TNN: variants seen among roughly 807,000 people sequenced by gnomAD.
TNN encodes tenascin N.
Under a neutral mutation model 134.4 loss-of-function variants are expected in TNN, and 122 were observed. The ratio of observed to expected loss-of-function variants is 0.91; its 90% CI spans 0.78 to 1.06. The LOEUF (loss-of-function observed/expected upper bound fraction) is 1.06. Ranked by LOEUF, TNN falls within the 50% of genes least tolerant of loss-of-function variation. TNN has a pLI of 0.00. For synonymous variants in TNN, 710 were observed against 670.3 expected (o/e 1.06, Z -0.91); for missense variants, 1,739 against 1,699.4 (o/e 1.02, Z -0.41).
chr1:175,123,606 G>C lies in TNN; in HGVS notation c.2857G>C (p.Val953Leu). Residue 953 changes from valine (V) to leucine (L), a missense_variant, in exon 12 of 19, where the codon GTG becomes CTG. Val to Leu is a conservative substitution (Grantham distance 32). Coordinates refer to ENST00000239462, the MANE Select transcript of TNN (RefSeq NM_022093.2). ...ACCAGGCATGGAGTACATGGTGCAC[G>C]TGTGGGCCCAGAAGGGGGCCCAGGA... is the stretch of plus-strand genomic sequence containing the variant. ...LRPGMEYMVH[V>L]WAQKGAQESK... The C allele has an allele frequency of 6.2e-7, 1 of 1,614,200 alleles. No individual in the cohort carries two copies. The highest frequency in any genetic ancestry group is 8.5e-7 in the Non-Finnish European group (1 of 1,180,044).
rs910151666 is a variant in TNN at position 175,127,934 on chromosome 1, G to C, written c.3046-98G>C. ...AGACAAAACACTGTGCTCTCAGAGAGCTTCTGTCATTAGCACCAGGGAACG... is the reference window on the plus strand; with the variant it reads ...AGACAAAACACTGTGCTCTCAGAGACCTTCTGTCATTAGCACCAGGGAACG... On this transcript the variant is annotated intron_variant, in intron 13 of 18. Coordinates refer to ENST00000239462, the MANE Select transcript of TNN (RefSeq NM_022093.2). 18 of 1,439,708 alleles carry C rather than the reference G, an allele frequency of 1.3e-5. No homozygotes were observed. The African/African-American group carries it at 2.4e-4, about 19-fold the overall frequency. The allele number at this position is 1,439,708 out of a possible 1,614,324, so 89.2% of individuals were successfully genotyped here.
intron 11 of TNN, 142 bp downstream of exon 11, chr1:175,118,966 C>A: frequency 8.3e-7 from 1 of 1,201,510 alleles, no homozygotes; most frequent in Non-Finnish European, 1.1e-6. Flanking sequence ...AAAAACAAAA[C>A]AAAACAAAAA....
At chr1:175,120,211 G>C (rs534022914) in intron 11 of TNN, among the ~76,000 whole-genome samples, 112 of 152,294 alleles carry the variant, frequency 7.4e-4, no homozygotes, top group African/African-American at 2.5e-3. Context: ...GAACACAGTG[G>C]TGAACAAAAC....
chr1:175,136,237 T>C (rs1484812297), intron 16 of TNN, among the ~76,000 whole-genome samples: 1 of 152,144 alleles, frequency 6.6e-6, no homozygotes, highest in Non-Finnish European at 1.5e-5. Context: ...AGTTCAGTGA[T>C]TGGGATGCTG....
intron 9 of TNN, among the ~76,000 whole-genome samples, chr1:175,115,106 G>A (rs1385970201): frequency 6.6e-6 from 1 of 152,008 alleles, no homozygotes; most frequent in African/African-American, 2.4e-5. Context: ...AGTAGGGTGG[G>A]GTGTCTTAGC....
chr1:175,076,907 C>T (rs1017692730), intron 1 of TNN, among the ~76,000 whole-genome samples: 2 of 152,144 alleles, frequency 1.3e-5, no homozygotes, highest in African/African-American at 4.8e-5. Context: ...TTCCAACAAA[C>T]AATTGTGAGA....
At chr1:175,068,558 C>T (rs1235439081) in intron 1 of TNN, among the ~76,000 whole-genome samples, 3 of 152,066 alleles carry the variant, frequency 2.0e-5, no homozygotes, top group African/African-American at 7.2e-5. Context: ...TCTCGAAATC[C>T]CCATACTATT....
rs116819609 is a variant in TNN, at chr1:175,100,849, T to C, written c.2119+2254T>C. On this transcript the variant is annotated intron_variant, in intron 9 of 18. Transcript: ENST00000239462. ...GCATCTACTCAGTGCTAAGAACTCA[T>C]AATAGACATTTGTTTCTTTTTTAAA... Among the ~76,000 whole-genome samples the C allele has an allele frequency of 6.1e-3, 923 of 152,318 alleles. 16 individuals are homozygous for C. The highest frequency in any genetic ancestry group is 0.021 in the African/African-American group (881 of 41,578).
At chr1:175,093,005 C>T (rs1434447922) in intron 6 of TNN, among the ~76,000 whole-genome samples, 1 of 152,224 alleles carries the variant, frequency 6.6e-6, no homozygotes, top group Non-Finnish European at 1.5e-5. Context: ...TGAGTATTCT[C>T]CTCAGAAGCC....
At chr1:175,119,566 C>G (rs1675289165) in intron 11 of TNN, among the ~76,000 whole-genome samples, 1 of 151,412 alleles carries the variant, frequency 6.6e-6, no homozygotes, top group Non-Finnish European at 1.5e-5. Flanking sequence ...TGGAGTTTCT[C>G]TGGTTCAAGC....
intron 7 of TNN, among the ~76,000 whole-genome samples, chr1:175,095,417 C>T (rs149026842): frequency 5.8e-4 from 88 of 152,210 alleles, no homozygotes; most frequent in African/African-American, 1.9e-3. Flanking sequence ...GACTGTGTTC[C>T]GATAAGACTT....
chr1:175,082,926 C>A (rs1427226066), intron 4 of TNN, among the ~76,000 whole-genome samples: 1 of 151,944 alleles, frequency 6.6e-6, no homozygotes, highest in Non-Finnish European at 1.5e-5. Context: ...TAGAAAAGTT[C>A]TCCCCTTAGA....
intron 2 of TNN, among the ~76,000 whole-genome samples, chr1:175,078,831 G>GT (rs1674116980): frequency 6.6e-6 from 1 of 152,092 alleles, no homozygotes; most frequent in African/African-American, 2.4e-5. Context: ...CTGCAGTTCC[G>GT]TTTTTTCCAG....
At chr1:175,116,879 C>G in intron 9 of TNN, 60 bp from the exon 10 acceptor site, 1 of 1,610,564 alleles carries the variant, frequency 6.2e-7, no homozygotes, top group Admixed American at 1.7e-5. Context: ...GTAAAATGCC[C>G]AGATCTCACT....
At chr1:175,146,708 G>A (rs1676078120) in intron 18 of TNN, among the ~76,000 whole-genome samples, 2 of 151,830 alleles carry the variant, frequency 1.3e-5, no homozygotes, top group Non-Finnish European at 2.9e-5. Flanking sequence ...AATCGTCCAA[G>A]TCCTCTCAGC....
chr1:175,091,573 T>TTATG (rs1674448308), intron 6 of TNN, among the ~76,000 whole-genome samples: 1 of 148,618 alleles, frequency 6.7e-6, no homozygotes, highest in South Asian at 2.1e-4. Context: ...ATTTATTTAT[T>TTATG]TATTTATTTA....
rs763909285 is a variant in TNN at position 175,098,546 on chromosome 1, C to T, written c.2070C>T (p.Ala690=). 1.9e-6 allele frequency: 3 copies of T among 1,614,082 alleles called. No individual in the cohort carries two copies. The highest frequency in any genetic ancestry group is 1.7e-6 in the Non-Finnish European group (2 of 1,180,024). The change falls in exon 9 of 19, where the codon GCC becomes GCT. Residue 690 remains alanine, a synonymous_variant. Transcript: ENST00000239462. ...PGMEYMVHVW[A]QKGDQESKKA... ...TGGAGTACATGGTGCACGTGTGGGC[C>T]CAGAAGGGGGACCAGGAGAGCAAGA...
At chr1:175,103,277 C>G (rs1423681302) in intron 9 of TNN, among the ~76,000 whole-genome samples, 1 of 146,092 alleles carries the variant, frequency 6.8e-6, no homozygotes, top group East Asian at 2.3e-4. Context: ...TTCCTGTAAA[C>G]TCCGGGCAGC....
In TNN at chr1:175,147,935, C is replaced by G. The variant is rs542118078; in HGVS notation, c.*864C>G. 2 of 152,124 alleles carry G rather than the reference C, an allele frequency of 1.3e-5. No individual in the cohort carries two copies. Among genetic ancestry groups the G allele is most frequent in the Non-Finnish European group, 2.9e-5 (2 of 68,026 alleles). The allele number at this position is 152,124 out of a possible 1,614,324, so 9.4% of individuals were successfully genotyped here. A position where few individuals can be genotyped will look rare whatever the true frequency, so the allele number is the denominator to read the frequency against. Reference sequence around the variant, plus strand: ...AGCACCGTGAGTCTTACTGTTTGATCGGACAGTTAGCAAGATCAGATCCTT... The same window carrying G: ...AGCACCGTGAGTCTTACTGTTTGATGGGACAGTTAGCAAGATCAGATCCTT... On this transcript the variant is annotated 3_prime_UTR_variant, in exon 19 of 19. Coordinates refer to ENST00000239462, the MANE Select transcript of TNN (RefSeq NM_022093.2).
Sources: gnomAD v4.1 joint callset for allele counts (sites outside exome capture counted in the v4.1 genomes callset) on GRCh38, gnomAD v4.1.1 for gene constraint, MANE v1.5 for transcripts, NCBI Gene and HGNC (gene_info 2026-07-23, HGNC 2026-07-21) for gene names.